Variants in RIMS1 observed in about 807,000 individuals in gnomAD.
The protein encoded by RIMS1 is regulating synaptic membrane exocytosis 1.
Under a neutral mutation model 214.1 loss-of-function variants are expected in RIMS1, and 83 were observed. That is an observed-to-expected ratio of 0.39 (90% CI 0.32 to 0.47). RIMS1 has a LOEUF of 0.47. RIMS1 is among the 20% of genes least tolerant of loss of function. RIMS1 has a pLI of 0.99. For synonymous variants in RIMS1, 793 were observed against 786.8 expected, an observed-to-expected ratio of 1.01 and a Z score of -0.13; for missense variants, 2,050 against 2,161.8, an observed-to-expected ratio of 0.95 and a Z score of 1.03.
In RIMS1 at chr6:72,096,938, C is replaced by G. The variant is rs369767778; in HGVS notation, c.246-11C>G. On this transcript the variant is annotated splice_polypyrimidine_tract_variant and intron_variant, in intron 2 of 33. Transcript: ENST00000521978. ...TTTACTTAGTTTGCTACCATTTTCT[C>G]TTTTGCCTAGGAGATTGCATCAACA... is the stretch of plus-strand genomic sequence containing the variant. 88 of 1,608,554 alleles carry G rather than the reference C, an allele frequency of 5.5e-5. No individual in the cohort carries two copies. Among genetic ancestry groups the G allele is most frequent in the Non-Finnish European group, 6.8e-5 (80 of 1,176,244 alleles).
At chr6:72,235,546 T>G in intron 7 of RIMS1, 72 bp from the exon 8 acceptor site, 1 of 965,802 alleles carries the variant, frequency 1.0e-6, no homozygotes, top group African/African-American at 1.6e-5. Context: ...ATGACAAGAC[T>G]TCATTCTTTT....
chr6:72,040,943 ATTTG>A (rs1457499427), intron 2 of RIMS1, among the ~76,000 whole-genome samples: 2 of 151,782 alleles, frequency 1.3e-5, no homozygotes, highest in African/African-American at 4.8e-5. Context: ...CCAAAAGCCT[ATTTG>A]TTATCTGGCG....
Position 72,071,379 on chromosome 6 carries a change from G to A in RIMS1, c.246-25570G>A, listed in dbSNP as rs147074286. On this transcript the variant is annotated intron_variant, in intron 2 of 33. Coordinates refer to ENST00000521978, the MANE Select transcript of RIMS1 (RefSeq NM_014989.7). ...TACAGGCACCACTACACTCCAGCCT[G>A]GGTGACAGAGTGAGACCTTATCTTT... is the stretch of plus-strand genomic sequence containing the variant. Among the ~76,000 whole-genome samples the A allele has an allele frequency of 9.6e-4, 146 of 152,220 alleles. 1 individual carries two copies. The highest frequency in any genetic ancestry group is 1.6e-3 in the Admixed American group (25 of 15,284).
chr6:72,056,599 C>G (rs547641692), intron 2 of RIMS1, among the ~76,000 whole-genome samples: 83 of 152,244 alleles, frequency 5.5e-4, no homozygotes, highest in Middle Eastern at 3.4e-3. Context: ...ATGAATGACT[C>G]TCTTGCCTAA....
intron 23 of RIMS1, among the ~76,000 whole-genome samples, chr6:72,279,995 G>A (rs894878137): frequency 1.3e-5 from 2 of 151,768 alleles, no homozygotes; most frequent in East Asian, 3.9e-4. Context: ...AGGTCATGTT[G>A]TATTTAAGTA....
rs1042003436 is a variant in RIMS1 at position 72,291,419 on chromosome 6, A to G, written c.3738-515A>G. ...TAACATATGTCCAGGATTATTTTAA[A>G]TATCTTTCAAATTTGTTCCTATTTA... On this transcript the variant is annotated intron_variant, in intron 25 of 33. Coordinates refer to ENST00000521978, the MANE Select transcript of RIMS1 (RefSeq NM_014989.7). Among the ~76,000 whole-genome samples, 4 of 152,356 alleles carry G rather than the reference A, an allele frequency of 2.6e-5. No homozygotes were observed. In the East Asian group the frequency reaches 7.7e-4, roughly 29 times the overall value.
chr6:72,399,318 T>C (rs1418914121), intron 33 of RIMS1, among the ~76,000 whole-genome samples: 1 of 152,030 alleles, frequency 6.6e-6, no homozygotes, highest in African/African-American at 2.4e-5. Flanking sequence ...CTCTCTCTCT[T>C]CTTGTCTTTT....
At chr6:72,143,354 G>A (rs2496553) in intron 4 of RIMS1, among the ~76,000 whole-genome samples, 152,356 of 152,356 alleles carry the variant, frequency 1, 76,178 homozygotes, top group Non-Finnish European at 1. Context: ...TAAGTGCCAT[G>A]GTTTTGGAGA....
At chr6:72,037,175 G>A (rs1360551870) in intron 2 of RIMS1, among the ~76,000 whole-genome samples, 1 of 151,948 alleles carries the variant, frequency 6.6e-6, no homozygotes, top group African/African-American at 2.4e-5. Context: ...TTCTATTTTG[G>A]CATGTGGCTG....
At chr6:72,357,809 A>C (rs138331732) in intron 29 of RIMS1, among the ~76,000 whole-genome samples, 333 of 152,304 alleles carry the variant, frequency 2.2e-3, no homozygotes, top group African/African-American at 7.8e-3. Context: ...TCCACTCTGA[A>C]ATTTTCTGAA....
At chr6:72,021,532 T>C (rs1814683156) in intron 2 of RIMS1, among the ~76,000 whole-genome samples, 1 of 152,180 alleles carries the variant, frequency 6.6e-6, no homozygotes, top group African/African-American at 2.4e-5. Flanking sequence ...CAGCAGCATG[T>C]AGTAAGTTAT....
intron 2 of RIMS1, among the ~76,000 whole-genome samples, chr6:72,064,388 C>T (rs1048644177): frequency 2.0e-5 from 3 of 151,214 alleles, no homozygotes; most frequent in Non-Finnish European, 2.9e-5. Context: ...AAGGAAGGAA[C>T]GAAGGAAGGA....
At chr6:72,198,890 C>G (rs1400429003) in intron 6 of RIMS1, among the ~76,000 whole-genome samples, 1 of 151,906 alleles carries the variant, frequency 6.6e-6, no homozygotes, top group Non-Finnish European at 1.5e-5. Flanking sequence ...TCTCAGAAAA[C>G]CTGCATTTTA....
chr6:72,120,607 G>A (rs2038065434), intron 4 of RIMS1, among the ~76,000 whole-genome samples: 1 of 152,020 alleles, frequency 6.6e-6, no homozygotes, highest in East Asian at 1.9e-4. Context: ...TAGGTTGCCT[G>A]TTCACTCTGA....
intron 27 of RIMS1, 140 bp from the exon 28 acceptor site, chr6:72,313,366 T>G: frequency 1.6e-6 from 1 of 627,920 alleles, no homozygotes. Context: ...TGGTAGTATT[T>G]GGATTATTTT....
intron 4 of RIMS1, among the ~76,000 whole-genome samples, chr6:72,119,934 C>T (rs554170063): frequency 3.3e-5 from 5 of 151,650 alleles, no homozygotes; most frequent in South Asian, 2.1e-4. Flanking sequence ...ATAGTTTCCT[C>T]GGAATGATGG....
Position 72,260,862 on chromosome 6 carries a change from C to A in RIMS1, c.3116+95C>A, listed in dbSNP as rs181892529. On this transcript the variant is annotated intron_variant, in intron 19 of 33. Transcript: ENST00000521978. ...TCTCCCTTAGTGGTATTATTACAAG[C>A]AAGTCAAATAAATTTCCCAAGTATT... 5.8e-6 allele frequency: 9 copies of A among 1,548,636 alleles called. No homozygotes were observed. The East Asian group carries it at 2.2e-4, about 37-fold the overall frequency.
intron 2 of RIMS1, among the ~76,000 whole-genome samples, chr6:72,029,757 C>G (rs1286310443): frequency 6.6e-6 from 1 of 152,146 alleles, no homozygotes; most frequent in Non-Finnish European, 1.5e-5. Context: ...CTCGAACACT[C>G]TAGCTCCTGG....
intron 6 of RIMS1, among the ~76,000 whole-genome samples, chr6:72,194,217 T>C (rs2050510764): frequency 6.6e-6 from 1 of 152,160 alleles, no homozygotes; most frequent in Non-Finnish European, 1.5e-5. Flanking sequence ...ACCAATGTCA[T>C]TCTTCACAGA....
Sources: allele counts gnomAD v4.1 joint callset (sites outside exome capture counted in the v4.1 genomes callset), GRCh38; gene constraint gnomAD v4.1.1; transcripts MANE v1.5; gene names NCBI Gene and HGNC (gene_info 2026-07-23, HGNC 2026-07-21).